The following NUS1 variants were observed in gnomAD, a reference collection of about 807,000 sequenced individuals.
NUS1 encodes the protein NUS1 dehydrodolichyl diphosphate synthase subunit, also known as dehydrodolichyl diphosphate synthase complex subunit NUS1.
For synonymous variants in NUS1, 135 were observed against 155.2 expected, an observed-to-expected ratio of 0.87 and a Z score of 0.97; for missense variants, 292 against 382.9, an observed-to-expected ratio of 0.76 and a Z score of 1.98.
At chr6:117,699,072 G>A (rs185637472) in intron 3 of NUS1, among the ~76,000 whole-genome samples, 140 of 152,236 alleles carry the variant, frequency 9.2e-4, no homozygotes, top group African/African-American at 3.3e-3. Flanking sequence ...AAAACTGAAA[G>A]CCTTTCCTCC....
chr6:117,680,463 C>T (rs562142779), intron 1 of NUS1, among the ~76,000 whole-genome samples: 9 of 152,144 alleles, frequency 5.9e-5, no homozygotes, highest in Non-Finnish European at 1.2e-4. Context: ...CTTTATTGTG[C>T]CTTGCTGGGA....
chr6:117,675,630 G>C lies in NUS1; in HGVS notation c.-41G>C, dbSNP rs1453042555. 6 of 1,392,462 alleles carry C rather than the reference G, an allele frequency of 4.3e-6. No individual in the cohort carries two copies. Among genetic ancestry groups the C allele is most frequent in the East Asian group, 4.9e-5 (2 of 40,746 alleles). The allele number at this position is 1,392,462 out of a possible 1,614,324, so 86.3% of individuals were successfully genotyped here. A position where few individuals can be genotyped will look rare whatever the true frequency, so the allele number is the denominator to read the frequency against. On this transcript the variant is annotated 5_prime_UTR_variant, in exon 1 of 5. Transcript: ENST00000368494. ...GATAAAAAGCCGTCGCGCTGCGGGA[G>C]TGGGCGGGAGGGAGAGGGGGTGTCT... is the stretch of plus-strand genomic sequence containing the variant.
intron 1 of NUS1, 106 bp downstream of exon 1, chr6:117,676,191 A>G (rs900969715): frequency 6.6e-7 from 1 of 1,512,822 alleles, no homozygotes; most frequent in African/African-American, 1.4e-5. Context: ...CCTCTCTGCA[A>G]ATCACAGCGC....
rs529240831 is a variant in NUS1, at chr6:117,701,049, G to A, written c.692-2556G>A. 1.7e-3 allele frequency among the ~76,000 whole-genome samples: 258 copies of A among 148,406 alleles called. 1 individual carries two copies. The highest frequency in any genetic ancestry group is 2.9e-3 in the Non-Finnish European group (198 of 67,162). On this transcript the variant is annotated intron_variant, in intron 3 of 4. Transcript: ENST00000368494. ...GATTTTTTTTTTTTTCAAAGTTGTT[G>A]TGTCTATTCAGGGTCCTTTGCATTT...
chr6:117,689,719 G>A (rs759174051), intron 1 of NUS1, among the ~76,000 whole-genome samples: 6 of 151,928 alleles, frequency 3.9e-5, no homozygotes, highest in South Asian at 2.1e-4. Context: ...GTGCCACCAC[G>A]TCCAGCTAAT....
intron 3 of NUS1, among the ~76,000 whole-genome samples, chr6:117,694,602 A>G (rs547357664): frequency 6.6e-6 from 1 of 152,134 alleles, no homozygotes; most frequent in Admixed American, 6.5e-5. Flanking sequence ...CTTTTTAATT[A>G]TTCTTTCTAT....
At chr6:117,689,157 A>G (rs180783388) in intron 1 of NUS1, among the ~76,000 whole-genome samples, 3 of 152,330 alleles carry the variant, frequency 2.0e-5, no homozygotes, top group Admixed American at 1.3e-4. Flanking sequence ...AATTTTGAGA[A>G]GGAAGCATGG....
At chr6:117,693,786 T>C (rs1336127922) in intron 2 of NUS1, among the ~76,000 whole-genome samples, 3 of 152,346 alleles carry the variant, frequency 2.0e-5, no homozygotes, top group East Asian at 3.9e-4. Context: ...GTATAGTCAT[T>C]CTGAACACTT....
In NUS1 at chr6:117,675,738, C is replaced by T. The variant is rs747953460; in HGVS notation, c.68C>T (p.Thr23Ile). Residue 23 changes from threonine (T) to isoleucine (I), a missense_variant, in exon 1 of 5, where the codon ACC becomes ATC. Physicochemically the swap from Thr to Ile is moderately conservative, Grantham distance 89. Coordinates refer to ENST00000368494, the MANE Select transcript of NUS1 (RefSeq NM_138459.5). ...HALLCLHRTL[T>I]SWLRVRFGTW... Reference sequence around the variant, plus strand: ...CTGCTCTGTCTGCACCGCACGCTCACCTCCTGGCTCCGCGTTCGGTTCGGC... The same window carrying T: ...CTGCTCTGTCTGCACCGCACGCTCATCTCCTGGCTCCGCGTTCGGTTCGGC... 2.9e-5 allele frequency: 45 copies of T among 1,542,084 alleles called. No individual in the cohort carries two copies. Among genetic ancestry groups the T allele is most frequent in the Middle Eastern group, 4.6e-4 (2 of 4,380 alleles).
At chr6:117,701,133 T>C (rs986798598) in intron 3 of NUS1, among the ~76,000 whole-genome samples, 2 of 152,058 alleles carry the variant, frequency 1.3e-5, no homozygotes, top group Non-Finnish European at 2.9e-5. Context: ...GGTTTTGATA[T>C]GGATTGAATT....
chr6:117,683,421 C>T (rs1431224286), intron 1 of NUS1, among the ~76,000 whole-genome samples: 4 of 151,898 alleles, frequency 2.6e-5, no homozygotes, highest in African/African-American at 9.7e-5. Context: ...AGATTTTTTT[C>T]ATTTTAAATA....
intron 3 of NUS1, 41 bp from the exon 4 acceptor site, chr6:117,703,564 G>T: frequency 1.5e-6 from 2 of 1,327,214 alleles, no homozygotes; most frequent in Non-Finnish European, 1.1e-6. Flanking sequence ...GTGTGCACAT[G>T]CAGTGCATGT....
At chr6:117,695,217 A>AG (rs1262353555) in intron 3 of NUS1, among the ~76,000 whole-genome samples, 38 of 151,452 alleles carry the variant, frequency 2.5e-4, no homozygotes, top group African/African-American at 6.5e-4. Context: ...AAAAAAAAAA[A>AG]AAAAGAAAAA....
At position 117,675,536 on chromosome 6, in the gene NUS1, A is replaced by T. The variant is rs1178833874; in HGVS notation, c.-135A>T. 5 of 811,334 alleles carry T rather than the reference A, an allele frequency of 6.2e-6. No homozygotes were observed. The highest frequency in any genetic ancestry group is 2.0e-5 in the African/African-American group (1 of 50,224). The allele number at this position is 811,334 out of a possible 1,614,324, so 50.3% of individuals were successfully genotyped here. On this transcript the variant is annotated 5_prime_UTR_variant, in exon 1 of 5. Coordinates refer to ENST00000368494, the MANE Select transcript of NUS1 (RefSeq NM_138459.5). ...GGCGGGGGCGAGGTGAGGTGTTGGCAGTGGAAAGGGGTTCGGGCTCGGGGG... is the reference window on the plus strand; with the variant it reads ...GGCGGGGGCGAGGTGAGGTGTTGGCTGTGGAAAGGGGTTCGGGCTCGGGGG...
Position 117,710,333 on chromosome 6 carries a change from A to G in NUS1, c.*3318A>G, listed in dbSNP as rs1056305692. The G allele has an allele frequency of 6.6e-6, 1 of 152,170 alleles. No homozygotes were observed. The highest frequency in any genetic ancestry group is 1.5e-5 in the Non-Finnish European group (1 of 67,986). 9.4% of individuals were successfully genotyped at this position (152,170 alleles called of 1,614,324 possible). A position where few individuals can be genotyped will look rare whatever the true frequency, so the allele number is the denominator to read the frequency against. On this transcript the variant is annotated 3_prime_UTR_variant, in exon 5 of 5. Coordinates refer to ENST00000368494, the MANE Select transcript of NUS1 (RefSeq NM_138459.5). ...AACTTCCTTTAGCAAAAATTACTAT[A>G]AAGTTCAGGACAGTTTGAAATAAAA...
Position 117,709,986 on chromosome 6 carries a change from G to GT in NUS1, c.*2973dup, listed in dbSNP as rs1201296965. 6.6e-6 allele frequency: 1 copy of GT among 152,088 alleles called. No homozygotes were observed. The highest frequency in any genetic ancestry group is 1.5e-5 in the Non-Finnish European group (1 of 67,946). The allele number at this position is 152,088 out of a possible 1,614,324, so 9.4% of individuals were successfully genotyped here. A position where few individuals can be genotyped will look rare whatever the true frequency, so the allele number is the denominator to read the frequency against. Reference sequence around the variant, plus strand: ...GGTTAAACATTTGGAATCTTATAATGTTACTTGCTTTTTGATAGATAATAG... The same window carrying GT: ...GGTTAAACATTTGGAATCTTATAATGTTTACTTGCTTTTTGATAGATAATAG... On this transcript the variant is annotated 3_prime_UTR_variant, in exon 5 of 5. Transcript: ENST00000368494.
chr6:117,696,664 G>A (rs1773325140), intron 3 of NUS1, among the ~76,000 whole-genome samples: 1 of 152,108 alleles, frequency 6.6e-6, no homozygotes, highest in Non-Finnish European at 1.5e-5. Flanking sequence ...TAGAATAATA[G>A]TATGCCCAGT....
At chr6:117,694,501 C>T (rs990765246) in intron 3 of NUS1, among the ~76,000 whole-genome samples, 5 of 151,966 alleles carry the variant, frequency 3.3e-5, no homozygotes, top group Non-Finnish European at 5.9e-5. Context: ...CCCTCTTCCC[C>T]TTTCTTTTTA....
At chr6:117,702,247 T>G (rs909822754) in intron 3 of NUS1, among the ~76,000 whole-genome samples, 2 of 152,236 alleles carry the variant, frequency 1.3e-5, no homozygotes, top group African/African-American at 4.8e-5. Context: ...CCTTTAACTG[T>G]CAAACCATGG....
Sources: allele counts gnomAD v4.1 joint callset (sites outside exome capture counted in the v4.1 genomes callset), GRCh38; gene constraint gnomAD v4.1.1; transcripts MANE v1.5; gene names NCBI Gene and HGNC (gene_info 2026-07-23, HGNC 2026-07-21).